The following IL1RAPL2 variants were observed in gnomAD, a reference collection of about 807,000 sequenced individuals.
The protein encoded by IL1RAPL2 is interleukin 1 receptor accessory protein like 2.
A neutral mutation model predicts 44.1 loss-of-function variants in IL1RAPL2; 3 were observed. The ratio of observed to expected loss-of-function variants is 0.07; its 90% CI spans 0.03 to 0.18. IL1RAPL2 has a LOEUF of 0.18. IL1RAPL2 is among the 10% of genes least tolerant of loss of function. The pLI is 1.00. For missense variants in IL1RAPL2, 391 were observed against 496.4 expected (o/e 0.79, Z 2.02); for synonymous variants, 181 against 178.8 (o/e 1.01, Z -0.10).
chrX:104,911,086 A>G (rs1924222408), intron 2 of IL1RAPL2, among the ~76,000 whole-genome samples: 1 of 111,998 alleles, frequency 8.9e-6, no homozygotes, highest in South Asian at 3.7e-4. Context: ...CATTATCTCA[A>G]GAAAAATTAG....
chrX:104,805,411 G>C lies in IL1RAPL2; in HGVS notation c.82+146416G>C, dbSNP rs138169469. On this transcript the variant is annotated intron_variant, in intron 2 of 10. Transcript: ENST00000372582. ...TACCAGACTGAGACCTTCAAGGGTA[G>C]GGGCAATTTGATAGTAATTTATCTT... Among the ~76,000 whole-genome samples, 578 of 112,015 alleles carry C rather than the reference G, an allele frequency of 5.2e-3. 4 individuals carry two copies. Among genetic ancestry groups the C allele is most frequent in the Middle Eastern group, 9.3e-3 (2 of 215 alleles).
intron 2 of IL1RAPL2, among the ~76,000 whole-genome samples, chrX:104,926,273 A>G (rs750798459): frequency 3.6e-5 from 4 of 112,341 alleles, no homozygotes; most frequent in African/African-American, 9.7e-5. Context: ...ACTGCTTGAG[A>G]TGTACTAGAT....
At chrX:105,164,581 A>T (rs2033355739) in intron 2 of IL1RAPL2, among the ~76,000 whole-genome samples, 1 of 112,474 alleles carries the variant, frequency 8.9e-6, no homozygotes, top group African/African-American at 3.2e-5. Context: ...CTCTTAAGTT[A>T]TTGCAATGGT....
At chrX:105,084,446 C>T (rs1391606324) in intron 2 of IL1RAPL2, among the ~76,000 whole-genome samples, 2 of 112,787 alleles carry the variant, frequency 1.8e-5, no homozygotes, top group South Asian at 3.6e-4. Flanking sequence ...TACATGGAGT[C>T]GAAGAAGATC....
intron 5 of IL1RAPL2, among the ~76,000 whole-genome samples, chrX:105,396,924 C>T (rs1002311070): frequency 3.6e-5 from 4 of 111,190 alleles, no homozygotes; most frequent in East Asian, 2.9e-4. Flanking sequence ...GGTGAGTGAG[C>T]GAAGCTTCAT....
At chrX:105,283,415 A>G (rs2034547456) in intron 5 of IL1RAPL2, among the ~76,000 whole-genome samples, 1 of 111,481 alleles carries the variant, frequency 9.0e-6, no homozygotes, top group South Asian at 3.8e-4. Context: ...CGGGTGAAAA[A>G]TATTTTAGAG....
At chrX:104,933,053 A>G (rs1468463988) in intron 2 of IL1RAPL2, among the ~76,000 whole-genome samples, 1 of 112,061 alleles carries the variant, frequency 8.9e-6, no homozygotes, top group Non-Finnish European at 1.9e-5. Context: ...TATTGCCAGA[A>G]CCAGAGAGAA....
chrX:105,749,848 T>G (rs2038581424), intron 9 of IL1RAPL2, among the ~76,000 whole-genome samples: 1 of 112,076 alleles, frequency 8.9e-6, no homozygotes, highest in African/African-American at 3.2e-5. Flanking sequence ...TCATGGCATG[T>G]AGCTTCTTAT....
At chrX:105,407,597 C>T (rs1206409619) in intron 5 of IL1RAPL2, among the ~76,000 whole-genome samples, 1 of 111,260 alleles carries the variant, frequency 9.0e-6, no homozygotes, top group Non-Finnish European at 1.9e-5. Context: ...GATTAGACTC[C>T]CTAAGACTCT....
At chrX:105,032,247 G>C (rs1303370940) in intron 2 of IL1RAPL2, among the ~76,000 whole-genome samples, 1 of 108,660 alleles carries the variant, frequency 9.2e-6, no homozygotes, top group Non-Finnish European at 1.9e-5. Flanking sequence ...TCTGATTTTA[G>C]TTATTTCTTG....
chrX:104,619,996 G>C (rs1226742910), intron 1 of IL1RAPL2, among the ~76,000 whole-genome samples: 2 of 111,073 alleles, frequency 1.8e-5, no homozygotes, highest in East Asian at 5.7e-4. Flanking sequence ...TAGGGAGAGA[G>C]GAAGCATGTA....
intron 5 of IL1RAPL2, among the ~76,000 whole-genome samples, chrX:105,282,927 C>T (rs2034543008): frequency 8.9e-6 from 1 of 111,757 alleles, no homozygotes; most frequent in Non-Finnish European, 1.9e-5. Flanking sequence ...CCCAATCCCC[C>T]TTGCTCTTAA....
chrX:105,500,602 T>G (rs1327022424), intron 6 of IL1RAPL2, among the ~76,000 whole-genome samples: 2 of 111,679 alleles, frequency 1.8e-5, no homozygotes, highest in Non-Finnish European at 3.8e-5. Flanking sequence ...CTTTCTCATC[T>G]TTAATAAATT....
intron 2 of IL1RAPL2, among the ~76,000 whole-genome samples, chrX:104,993,711 T>C (rs2030703082): frequency 9.0e-6 from 1 of 111,524 alleles, no homozygotes; most frequent in African/African-American, 3.3e-5. Flanking sequence ...GAATATCTTA[T>C]TGAATCCTCA....
chrX:105,548,385 A>G (rs2036823325), intron 6 of IL1RAPL2, among the ~76,000 whole-genome samples: 1 of 111,343 alleles, frequency 9.0e-6, no homozygotes, highest in Non-Finnish European at 1.9e-5. Flanking sequence ...TGGCATAAAG[A>G]TTAGACAGGT....
chrX:105,047,220 G>A (rs1174428790), intron 2 of IL1RAPL2, among the ~76,000 whole-genome samples: 3 of 111,100 alleles, frequency 2.7e-5, no homozygotes, highest in Non-Finnish European at 5.7e-5. Context: ...AAAAGATGAT[G>A]CATATCTAGT....
intron 6 of IL1RAPL2, among the ~76,000 whole-genome samples, chrX:105,568,804 G>A (rs1294918872): frequency 9.0e-6 from 1 of 111,518 alleles, no homozygotes; most frequent in Non-Finnish European, 1.9e-5. Flanking sequence ...TTCCATTACC[G>A]GATTATGTGG....
At chrX:105,148,340 C>A (rs1200176865) in intron 2 of IL1RAPL2, among the ~76,000 whole-genome samples, 1 of 111,257 alleles carries the variant, frequency 9.0e-6, no homozygotes. Flanking sequence ...TCATTTTATA[C>A]CTGAAGAGCA....
chrX:104,778,297 G>C (rs756992791), intron 2 of IL1RAPL2, among the ~76,000 whole-genome samples: 1 of 111,406 alleles, frequency 9.0e-6, no homozygotes, highest in South Asian at 3.7e-4. Flanking sequence ...TGAAAAGAGA[G>C]AAAAGTAAAG....
Sources: gnomAD v4.1 joint callset for allele counts (sites outside exome capture counted in the v4.1 genomes callset) on GRCh38, gnomAD v4.1.1 for gene constraint, MANE v1.5 for transcripts, NCBI Gene and HGNC (gene_info 2026-07-23, HGNC 2026-07-21) for gene names.